Variants in CRMP1 observed in about 807,000 individuals in gnomAD.
CRMP1 encodes collapsin response mediator protein 1.
Under a neutral mutation model 68.3 loss-of-function variants are expected in CRMP1, and 19 were observed. The ratio of observed to expected loss-of-function variants is 0.28; its 90% CI spans 0.19 to 0.41. The LOEUF is 0.41. CRMP1 is among the 10% of genes least tolerant of loss of function. The pLI is 1.00. For synonymous variants in CRMP1, 439 were observed against 399.6 expected (o/e 1.10, Z -1.18); for missense variants, 791 against 967.4 (o/e 0.82, Z 2.42).
Position 5,850,784 on chromosome 4 carries a change from C to T in CRMP1, c.882+624G>A, listed in dbSNP as rs950697086. ...AGAGCAAGGGAAACTGACAATGAAA[C>T]AAAACTAGGAGACCCAGTAGTATAA... On this transcript the variant is annotated intron_variant, in intron 5 of 13. Coordinates refer to ENST00000324989, the MANE Select transcript of CRMP1 (RefSeq NM_001014809.3). The surrounding 1 kb of genome is among the most constrained non-coding windows in gnomAD (Gnocchi z 4.4). Among the ~76,000 whole-genome samples the T allele has an allele frequency of 6.6e-6, 1 of 152,182 alleles. No homozygotes were observed. The highest frequency in any genetic ancestry group is 6.5e-5 in the Admixed American group (1 of 15,272).
At chr4:5,880,398 A>G (rs1425033058) in intron 1 of CRMP1, among the ~76,000 whole-genome samples, 3 of 152,248 alleles carry the variant, frequency 2.0e-5, no homozygotes, top group African/African-American at 7.2e-5. Flanking sequence ...TGATTTAAAA[A>G]TACATGGCAA....
At chr4:5,886,417 G>A (rs921646061) in intron 1 of CRMP1, among the ~76,000 whole-genome samples, 1 of 152,218 alleles carries the variant, frequency 6.6e-6, no homozygotes, top group Admixed American at 6.5e-5. Flanking sequence ...GGCCTACATC[G>A]TACAGCAGAG....
intron 6 of CRMP1, among the ~76,000 whole-genome samples, chr4:5,846,377 C>T (rs1387425887): frequency 6.6e-6 from 1 of 152,154 alleles, no homozygotes; most frequent in African/African-American, 2.4e-5. Context: ...AGTCAAACTA[C>T]AGGGCCTCTG....
rs1219363579 is a variant in CRMP1 at position 5,861,493 on chromosome 4, G to A, written c.471-283C>T. Reference sequence around the variant, plus strand: ...GTCTCATTATCTAAGAAGGCTTCCAGGTGGAGGGGGTGGCAGAGCTGAATC... The same window carrying A: ...GTCTCATTATCTAAGAAGGCTTCCAAGTGGAGGGGGTGGCAGAGCTGAATC... On this transcript the variant is annotated intron_variant, in intron 2 of 13. Transcript: ENST00000324989. This position sits in a 1 kb window ranked among gnomAD's most constrained non-coding sequence, Gnocchi z 6.0. Among the ~76,000 whole-genome samples, 1 of 152,290 alleles carries A rather than the reference G, an allele frequency of 6.6e-6. No individual in the cohort carries two copies. The highest frequency in any genetic ancestry group is 2.4e-5 in the African/African-American group (1 of 41,554).
intron 6 of CRMP1, among the ~76,000 whole-genome samples, chr4:5,844,490 T>C (rs984541796): frequency 2.6e-5 from 4 of 152,042 alleles, no homozygotes; most frequent in African/African-American, 9.7e-5. Context: ...GGATTTCTAG[T>C]CTAAAATAAT....
intron 4 of CRMP1, among the ~76,000 whole-genome samples, chr4:5,851,989 AGAGGAGGAGAAAGAGGAC>A (rs1258096302): frequency 2.3e-4 from 17 of 75,498 alleles, no homozygotes; most frequent in South Asian, 2.0e-3. Context: ...AGGAAGAGGA[AGAGGAGGAGAAAGAGGAC>A]GAGGAGGAGG....
At position 5,834,659 on chromosome 4, in the gene CRMP1, C is replaced by A. The variant is rs912748410; in HGVS notation, c.1623+1256G>T. ...CCTCTCAGACGCTCTCCCATTGCCT[C>A]TCCTATGTGCACAGACCCCAAGCAG... On this transcript the variant is annotated intron_variant, in intron 11 of 13. Coordinates refer to ENST00000324989, the MANE Select transcript of CRMP1 (RefSeq NM_001014809.3). The surrounding 1 kb of genome is among the most constrained non-coding windows in gnomAD (Gnocchi z 4.3). Among the ~76,000 whole-genome samples the A allele has an allele frequency of 1.3e-5, 2 of 152,200 alleles. No homozygotes were observed. Among genetic ancestry groups the A allele is most frequent in the Non-Finnish European group, 2.9e-5 (2 of 68,034 alleles).
At chr4:5,873,305 A>G (rs1173263929) in intron 1 of CRMP1, among the ~76,000 whole-genome samples, 1 of 152,230 alleles carries the variant, frequency 6.6e-6, no homozygotes, top group Non-Finnish European at 1.5e-5. Flanking sequence ...CAAAGGCGAA[A>G]AGGGATCCTG....
At chr4:5,863,992 G>A (rs531147887) in intron 2 of CRMP1, among the ~76,000 whole-genome samples, 3 of 152,176 alleles carry the variant, frequency 2.0e-5, no homozygotes, top group African/African-American at 4.8e-5. Flanking sequence ...TCTCAGCAAC[G>A]GGTTCAAGTA....
intron 8 of CRMP1, 90 bp from the exon 9 acceptor site, chr4:5,839,768 G>T: frequency 1.4e-6 from 2 of 1,401,728 alleles, no homozygotes; most frequent in Non-Finnish European, 1.9e-6. Flanking sequence ...TGTGGAGGGA[G>T]AACGGGGCTG....
In CRMP1 at chr4:5,857,796, T is replaced by G. The variant is rs191271431; in HGVS notation, c.656-1489A>C. On this transcript the variant is annotated intron_variant, in intron 3 of 13. Coordinates refer to ENST00000324989, the MANE Select transcript of CRMP1 (RefSeq NM_001014809.3). ...CCTCCTTTGGCACAGAATGCCAAGATGAAAAGGGCCTCCGAGACCCAACAA... is the reference window on the plus strand; with the variant it reads ...CCTCCTTTGGCACAGAATGCCAAGAGGAAAAGGGCCTCCGAGACCCAACAA... Among the ~76,000 whole-genome samples, 8 of 152,248 alleles carry G rather than the reference T, an allele frequency of 5.3e-5. No individual in the cohort carries two copies. The East Asian group carries it at 1.5e-3, about 29-fold the overall frequency.
rs375338591 is a variant in CRMP1 at position 5,832,373 on chromosome 4, C to T, written c.1623+3542G>A. 4.5e-4 allele frequency among the ~76,000 whole-genome samples: 68 copies of T among 152,342 alleles called. No homozygotes were observed. The East Asian group carries it at 0.012, about 27-fold the overall frequency. On this transcript the variant is annotated intron_variant, in intron 11 of 13. Transcript: ENST00000324989. ...ATCCAGATAGTCTATGATATACAAA[C>T]ATGTATGCATACCCATGATGTGGCA...
Position 5,879,987 on chromosome 4 carries a change from A to G in CRMP1, c.381+12602T>C, listed in dbSNP as rs1206432567. ...TTTGGAAAAGAGAAGGTCCTAAGTA[A>G]TGGAGAAACATCTTCCAGTGCCTCT... On this transcript the variant is annotated intron_variant, in intron 1 of 13. Transcript: ENST00000324989. The surrounding 1 kb of genome is among the most constrained non-coding windows in gnomAD (Gnocchi z 4.2). 1.3e-5 allele frequency among the ~76,000 whole-genome samples: 2 copies of G among 152,208 alleles called. No individual in the cohort carries two copies. The highest frequency in any genetic ancestry group is 2.9e-5 in the Non-Finnish European group (2 of 68,040).
chr4:5,822,035 C>T (rs1416629589), intron 13 of CRMP1, among the ~76,000 whole-genome samples, 184 bp from the exon 14 acceptor site: 1 of 140,344 alleles, frequency 7.1e-6, no homozygotes, highest in African/African-American at 2.9e-5. Flanking sequence ...TTCTGTGCCC[C>T]TCAGTCCCTG....
At position 5,888,494 on chromosome 4, in the gene CRMP1, G is replaced by C; in HGVS notation, c.381+4095C>G. The C allele has an allele frequency of 4.2e-6, 5 of 1,202,406 alleles. No homozygotes were observed. The highest frequency in any genetic ancestry group is 5.2e-6 in the Non-Finnish European group (5 of 969,326). 74.5% of individuals were successfully genotyped at this position (1,202,406 alleles called of 1,614,324 possible). On this transcript the variant is annotated intron_variant, in intron 1 of 13. Coordinates refer to ENST00000324989, the MANE Select transcript of CRMP1 (RefSeq NM_001014809.3). The surrounding 1 kb of genome is among the most constrained non-coding windows in gnomAD (Gnocchi z 6.4). ...CCGCCCGGATCGGCGAGGAGGGCGG[G>C]AGAAGGAGGAGGGAGAGGCGAGGGC...
In CRMP1 at chr4:5,866,774, G is replaced by A. The variant is rs149419756; in HGVS notation, c.382-18C>T. On this transcript the variant is annotated intron_variant, in intron 1 of 13. Coordinates refer to ENST00000324989, the MANE Select transcript of CRMP1 (RefSeq NM_001014809.3). The surrounding 1 kb of genome is among the most constrained non-coding windows in gnomAD (Gnocchi z 5.9). ...CGGTCACTCTGCAAAGCAAGGCAAA[G>A]TATTAAGGATCCTTGGTGAAAAGCC... 405 of 1,566,816 alleles carry A rather than the reference G, an allele frequency of 2.6e-4. 2 individuals are homozygous for A. In the African/African-American group the frequency reaches 4.9e-3, roughly 19 times the overall value.
At chr4:5,871,073 T>C (rs568672723) in intron 1 of CRMP1, among the ~76,000 whole-genome samples, 1 of 152,224 alleles carries the variant, frequency 6.6e-6, no homozygotes, top group Non-Finnish European at 1.5e-5. Context: ...TAGAATCAGA[T>C]GGTGGAGCTC....
chr4:5,821,705 A>G lies in CRMP1; in HGVS notation c.*55T>C. On this transcript the variant is annotated 3_prime_UTR_variant, in exon 14 of 14. Coordinates refer to ENST00000324989, the MANE Select transcript of CRMP1 (RefSeq NM_001014809.3). The surrounding 1 kb of genome is among the most constrained non-coding windows in gnomAD (Gnocchi z 4.4). ...GGGTTTCAAAAACACTGACAGGAAA[A>G]GGGATGGACATGATTCCCAGAATCC... 2 of 1,493,222 alleles carry G rather than the reference A, an allele frequency of 1.3e-6. No homozygotes were observed. Among genetic ancestry groups the G allele is most frequent in the Non-Finnish European group, 9.1e-7 (1 of 1,093,460 alleles). The allele number at this position is 1,493,222 out of a possible 1,614,324, so 92.5% of individuals were successfully genotyped here.
At position 5,838,510 on chromosome 4, in the gene CRMP1, G is replaced by C. The variant is rs958016431; in HGVS notation, c.1310+1012C>G. 2.6e-5 allele frequency among the ~76,000 whole-genome samples: 4 copies of C among 152,200 alleles called. No individual in the cohort carries two copies. The highest frequency in any genetic ancestry group is 5.9e-5 in the Non-Finnish European group (4 of 68,036). On this transcript the variant is annotated intron_variant, in intron 9 of 13. Coordinates refer to ENST00000324989, the MANE Select transcript of CRMP1 (RefSeq NM_001014809.3). This position sits in a 1 kb window ranked among gnomAD's most constrained non-coding sequence, Gnocchi z 4.9. Reference sequence around the variant, plus strand: ...GAAGCCAGGGATGATGGTGGCCTGAGCCAGGATGGCCACAGCAGACAGGTG... The same window carrying C: ...GAAGCCAGGGATGATGGTGGCCTGACCCAGGATGGCCACAGCAGACAGGTG...
Sources: allele counts gnomAD v4.1 joint callset (sites outside exome capture counted in the v4.1 genomes callset), GRCh38; gene constraint gnomAD v4.1.1; non-coding constraint Gnocchi (gnomAD v3.1); transcripts MANE v1.5; gene names NCBI Gene and HGNC (gene_info 2026-07-23, HGNC 2026-07-21).